The following EFNA5 variants were observed in gnomAD, a reference collection of about 807,000 sequenced individuals.
The protein encoded by EFNA5 is ephrin A5, also known as ephrin-A5.
In EFNA5, 5 loss-of-function variants were observed where a neutral mutation model predicts 22.9. The ratio of observed to expected loss-of-function variants is 0.22; its 90% CI spans 0.11 to 0.46. The LOEUF (loss-of-function observed/expected upper bound fraction) is 0.46. Among genes scored for constraint, EFNA5 ranks in the 20% least tolerant of loss-of-function variants. The pLI is 0.99. For synonymous variants in EFNA5, 113 were observed against 112.2 expected, an observed-to-expected ratio of 1.01 and a Z score of -0.04; for missense variants, 237 against 293.3, an observed-to-expected ratio of 0.81 and a Z score of 1.40.
chr5:107,420,521 TTAAAAA>T (rs1258744481), intron 2 of EFNA5, among the ~76,000 whole-genome samples: 3 of 83,188 alleles, frequency 3.6e-5, no homozygotes, highest in East Asian at 4.5e-4. Context: ...GTCTGTGCTT[TTAAAAA>T]AAAAAAAAAA....
At chr5:107,643,312 T>G (rs1750565351) in intron 1 of EFNA5, among the ~76,000 whole-genome samples, 1 of 152,150 alleles carries the variant, frequency 6.6e-6, no homozygotes. Flanking sequence ...GGTCATAGAT[T>G]CAAATCCAAC....
chr5:107,637,314 A>G (rs1038427453), intron 1 of EFNA5, among the ~76,000 whole-genome samples: 2 of 152,226 alleles, frequency 1.3e-5, no homozygotes, highest in African/African-American at 4.8e-5. Flanking sequence ...AGTCATTTCA[A>G]TCTATAATAT....
At chr5:107,430,770 CTTTCTTTTTT>C (rs1561382900) in intron 1 of EFNA5, among the ~76,000 whole-genome samples, 3 of 104,818 alleles carry the variant, frequency 2.9e-5, no homozygotes, top group South Asian at 3.1e-4. Flanking sequence ...TTATTTCTTT[CTTTCTTTTTT>C]TTTTTTTTTT....
chr5:107,443,555 T>G (rs1306921987), intron 1 of EFNA5, among the ~76,000 whole-genome samples: 1 of 152,216 alleles, frequency 6.6e-6, no homozygotes, highest in Non-Finnish European at 1.5e-5. Flanking sequence ...CTGCCCTTTT[T>G]CTAGGCGCTT....
At position 107,379,915 on chromosome 5, in the gene EFNA5, A is replaced by G. The variant is rs1465655165; in HGVS notation, c.*1340T>C. 1 of 152,202 alleles carries G rather than the reference A, an allele frequency of 6.6e-6. No homozygotes were observed. The highest frequency in any genetic ancestry group is 1.5e-5 in the Non-Finnish European group (1 of 68,040). 9.4% of individuals were successfully genotyped at this position (152,202 alleles called of 1,614,324 possible). On this transcript the variant is annotated 3_prime_UTR_variant, in exon 5 of 5. Transcript: ENST00000333274. ...TCTATTCTAGTGGATTTTTAAAAAAATATTTTGTTAAAGTCTTTGGGACTC... is the reference window on the plus strand; with the variant it reads ...TCTATTCTAGTGGATTTTTAAAAAAGTATTTTGTTAAAGTCTTTGGGACTC...
At chr5:107,582,161 T>G (rs1425387528) in intron 1 of EFNA5, among the ~76,000 whole-genome samples, 1 of 152,196 alleles carries the variant, frequency 6.6e-6, no homozygotes, top group Admixed American at 6.5e-5. Flanking sequence ...AATAGAGAGA[T>G]AAAATATTAC....
intron 1 of EFNA5, among the ~76,000 whole-genome samples, chr5:107,505,663 A>T (rs1451236739): frequency 2.6e-5 from 4 of 152,242 alleles, no homozygotes; most frequent in African/African-American, 7.2e-5. Context: ...CTGATTGCGT[A>T]GTGAAAATCT....
At chr5:107,527,621 G>A (rs187066987) in intron 1 of EFNA5, among the ~76,000 whole-genome samples, 1 of 152,220 alleles carries the variant, frequency 6.6e-6, no homozygotes, top group African/African-American at 2.4e-5. Context: ...ATTGGGGTGT[G>A]TGTTAGGGGA....
At chr5:107,493,582 C>T (rs988106641) in intron 1 of EFNA5, among the ~76,000 whole-genome samples, 3 of 152,158 alleles carry the variant, frequency 2.0e-5, no homozygotes, top group African/African-American at 7.2e-5. Context: ...CTCTGGAAAA[C>T]CGAAGTCTTA....
At chr5:107,432,629 T>C (rs1038391154) in intron 1 of EFNA5, among the ~76,000 whole-genome samples, 10 of 152,204 alleles carry the variant, frequency 6.6e-5, no homozygotes, top group Admixed American at 3.3e-4. Context: ...AGAAAAGCAA[T>C]TGTGTTTGAG....
intron 1 of EFNA5, among the ~76,000 whole-genome samples, chr5:107,527,587 AAAC>A (rs1391405971): frequency 1.3e-5 from 2 of 150,770 alleles, no homozygotes; most frequent in Admixed American, 6.6e-5. Context: ...ACCCAGCCTA[AAAC>A]AACGTTTAAG....
intron 1 of EFNA5, among the ~76,000 whole-genome samples, chr5:107,491,693 T>C (rs1746810926): frequency 1.3e-5 from 2 of 152,248 alleles, no homozygotes; most frequent in African/African-American, 2.4e-5. Context: ...AAAATCTATG[T>C]GCAAAGATTG....
At chr5:107,479,699 A>G (rs115484100) in intron 1 of EFNA5, among the ~76,000 whole-genome samples, 6 of 152,278 alleles carry the variant, frequency 3.9e-5, no homozygotes, top group Non-Finnish European at 7.4e-5. Context: ...AAAGAATAAT[A>G]TATTACCTAA....
At chr5:107,407,000 T>C (rs573585772) in intron 2 of EFNA5, among the ~76,000 whole-genome samples, 1 of 152,254 alleles carries the variant, frequency 6.6e-6, no homozygotes. Context: ...AGTAGGTTCT[T>C]AAATCAGCTA....
At chr5:107,643,870 TTTAATAA>T (rs1206075139) in intron 1 of EFNA5, among the ~76,000 whole-genome samples, 1 of 125,428 alleles carries the variant, frequency 8.0e-6, no homozygotes, top group Non-Finnish European at 1.7e-5. Context: ...GTCTATTTTC[TTTAATAA>T]TAATAATAAT....
intron 1 of EFNA5, among the ~76,000 whole-genome samples, chr5:107,456,119 C>T (rs1353372176): frequency 1.3e-5 from 2 of 152,080 alleles, no homozygotes. Context: ...GGTTACAGGT[C>T]CATATTCCAC....
intron 1 of EFNA5, among the ~76,000 whole-genome samples, chr5:107,633,770 G>A (rs1172648280): frequency 6.6e-6 from 1 of 152,158 alleles, no homozygotes; most frequent in Non-Finnish European, 1.5e-5. Context: ...CTGCCCACAG[G>A]GAGGAAAGGG....
intron 1 of EFNA5, among the ~76,000 whole-genome samples, chr5:107,529,841 C>T (rs905805718): frequency 6.6e-6 from 1 of 152,140 alleles, no homozygotes; most frequent in African/African-American, 2.4e-5. Flanking sequence ...TTCTAGGGAG[C>T]CTAGGCTAAG....
chr5:107,602,794 C>T (rs539941098), intron 1 of EFNA5, among the ~76,000 whole-genome samples: 4 of 151,700 alleles, frequency 2.6e-5, no homozygotes, highest in South Asian at 2.1e-4. Context: ...AGTCGTTAGA[C>T]GTGGCAGAGG....
Sources: allele counts gnomAD v4.1 joint callset (sites outside exome capture counted in the v4.1 genomes callset), GRCh38; gene constraint gnomAD v4.1.1; transcripts MANE v1.5; gene names NCBI Gene and HGNC (gene_info 2026-07-23, HGNC 2026-07-21).